KIAA1217: variants seen among roughly 807,000 people sequenced by gnomAD.
The protein encoded by KIAA1217 is KIAA1217.
In KIAA1217, 88 loss-of-function variants were observed where a neutral mutation model predicts 163.9. The ratio of observed to expected loss-of-function variants is 0.54; its 90% CI spans 0.45 to 0.64. KIAA1217 has a LOEUF of 0.64. Among genes scored for constraint, KIAA1217 ranks in the 30% least tolerant of loss-of-function variants. The probability of loss-of-function intolerance (pLI) is 0.00; values close to 1 mark genes in which losing one functional copy is unlikely to be tolerated. For missense variants in KIAA1217, 2,372 were observed against 2,475.0 expected (o/e 0.96, Z 0.88); for synonymous variants, 903 against 923.1 (o/e 0.98, Z 0.39).
intron 2 of KIAA1217, among the ~76,000 whole-genome samples, chr10:24,254,697 T>C (rs1397067900): frequency 6.6e-6 from 1 of 152,206 alleles, no homozygotes; most frequent in African/African-American, 2.4e-5. Flanking sequence ...AGACAGTTGG[T>C]GATTTGGGCT....
chr10:23,914,179 G>A (rs889524467), intron 1 of KIAA1217, among the ~76,000 whole-genome samples: 1 of 152,152 alleles, frequency 6.6e-6, no homozygotes, highest in Non-Finnish European at 1.5e-5. Flanking sequence ...CCAGGCAGAG[G>A]AAGACTCTTC....
rs143088594 is a variant in KIAA1217, at chr10:23,729,283, A to G, written c.-321+34049A>G. 1.2e-3 allele frequency among the ~76,000 whole-genome samples: 179 copies of G among 152,328 alleles called. 13 individuals carry two copies. In the East Asian group the frequency reaches 0.028, roughly 23 times the overall value. On this transcript the variant is annotated intron_variant, in intron 1 of 18. Coordinates refer to the KIAA1217 transcript ENST00000376462. Reference sequence around the variant, plus strand: ...TCTGGGTAGAGGTTTTTGTGTGAACATAAGTTTTCATTTCCATTTGGTAAA... The same window carrying G: ...TCTGGGTAGAGGTTTTTGTGTGAACGTAAGTTTTCATTTCCATTTGGTAAA...
intron 2 of KIAA1217, among the ~76,000 whole-genome samples, chr10:24,296,950 C>T (rs1442521532): frequency 6.6e-6 from 1 of 152,180 alleles, no homozygotes; most frequent in Non-Finnish European, 1.5e-5. Context: ...TGGTCTCTGT[C>T]GCTGTCAAAA....
chr10:24,250,858 G>C (rs80105743), intron 2 of KIAA1217, among the ~76,000 whole-genome samples: 2,342 of 151,186 alleles, frequency 0.015, 56 homozygotes, highest in African/African-American at 0.053. Flanking sequence ...AGGAGGTCGA[G>C]AGAGCAGATT....
At chr10:24,155,897 C>G (rs529981549) in intron 2 of KIAA1217, among the ~76,000 whole-genome samples, 1 of 152,148 alleles carries the variant, frequency 6.6e-6, no homozygotes, top group East Asian at 1.9e-4. Flanking sequence ...TGAAGTTGAG[C>G]TAAGAGTTTT....
intron 5 of KIAA1217, among the ~76,000 whole-genome samples, chr10:24,472,944 C>T (rs914318): frequency 0.027 from 4,072 of 152,302 alleles, 65 homozygotes; most frequent in Non-Finnish European, 0.039. Flanking sequence ...AACCCTACTT[C>T]CATCAGCATA....
chr10:24,123,656 C>T (rs1039793780), intron 2 of KIAA1217, among the ~76,000 whole-genome samples: 6 of 152,094 alleles, frequency 3.9e-5, no homozygotes, highest in African/African-American at 1.4e-4. Flanking sequence ...TTAAAATTAC[C>T]GATGCTTAAG....
At chr10:24,529,852 T>C (rs1299269667) in intron 14 of KIAA1217, among the ~76,000 whole-genome samples, 1 of 150,974 alleles carries the variant, frequency 6.6e-6, no homozygotes, top group African/African-American at 2.4e-5. Flanking sequence ...GGCTGGAGTT[T>C]AGTGGCATGA....
intron 1 of KIAA1217, among the ~76,000 whole-genome samples, chr10:23,953,351 G>T (rs1226982848): frequency 1.3e-5 from 2 of 152,198 alleles, no homozygotes; most frequent in African/African-American, 2.4e-5. Context: ...GGAATCCAGG[G>T]TCCTTTCAGC....
At chr10:23,978,463 T>A (rs774579431) in intron 1 of KIAA1217, among the ~76,000 whole-genome samples, 4 of 152,186 alleles carry the variant, frequency 2.6e-5, no homozygotes, top group Non-Finnish European at 5.9e-5. Context: ...TAAATTAGCC[T>A]AAATTAGAGT....
chr10:24,208,517 C>G (rs1293378825), upstream of KIAA1217, among the ~76,000 whole-genome samples: 1 of 151,996 alleles, frequency 6.6e-6, no homozygotes, highest in African/African-American at 2.4e-5. Flanking sequence ...CGCTATACCT[C>G]TTCATAGATG....
At chr10:23,883,405 C>A (rs891522127) in intron 1 of KIAA1217, among the ~76,000 whole-genome samples, 6 of 151,906 alleles carry the variant, frequency 3.9e-5, no homozygotes, top group Non-Finnish European at 7.4e-5. Flanking sequence ...AAAAAATCTT[C>A]ACACCTCAGA....
chr10:24,006,784 C>T (rs1187799320), intron 1 of KIAA1217, among the ~76,000 whole-genome samples: 1 of 152,186 alleles, frequency 6.6e-6, no homozygotes, highest in Non-Finnish European at 1.5e-5. Context: ...CTCTGTGTAG[C>T]AGGCTCTTGG....
chr10:24,243,705 G>C (rs114449186), intron 2 of KIAA1217, among the ~76,000 whole-genome samples: 1 of 150,348 alleles, frequency 6.7e-6, no homozygotes, highest in Non-Finnish European at 1.5e-5. Flanking sequence ...GAATACATAC[G>C]AATGAATATA....
At chr10:24,324,305 G>A (rs749842930) in intron 2 of KIAA1217, among the ~76,000 whole-genome samples, 26 of 149,142 alleles carry the variant, frequency 1.7e-4, no homozygotes, top group African/African-American at 4.2e-4. Flanking sequence ...TGTGGCTCAC[G>A]CCTGTAATCC....
In KIAA1217 at chr10:24,469,124, T is replaced by C. The variant is rs542519260; in HGVS notation, c.847-4104T>C. ...CTCTAGAATATTTTATTTTATTTTA[T>C]TTTACTTTATTTTATTGGAGACAGA... On this transcript the variant is annotated intron_variant, in intron 5 of 20. Coordinates refer to ENST00000376454, the MANE Select transcript of KIAA1217 (RefSeq NM_019590.5). 5.3e-5 allele frequency among the ~76,000 whole-genome samples: 8 copies of C among 152,166 alleles called. No homozygotes were observed. In the East Asian group the frequency reaches 1.5e-3, roughly 29 times the overall value.
Position 24,438,497 on chromosome 10 carries a change from AT to A in KIAA1217, c.846+23del, listed in dbSNP as rs750397443. 5.2e-6 allele frequency: 8 copies of A among 1,533,868 alleles called. No individual in the cohort carries two copies. The African/African-American group carries it at 1.1e-4, about 21-fold the overall frequency. ...ACATGAGGGTAAGTGTTTCTGTCAT[AT>A]TTTTACTTATCTTCAGTGGGTCAAA... On this transcript the variant is annotated intron_variant, in intron 5 of 20. Transcript: ENST00000376454.
chr10:23,727,012 G>T, intron 1 of KIAA1217, among the ~76,000 whole-genome samples: 2 of 92,198 alleles, frequency 2.2e-5, no homozygotes, highest in Non-Finnish European at 1.8e-5. Flanking sequence ...TTTTGAGACA[G>T]AGTCTTGCTC....
At position 24,298,289 on chromosome 10, in the gene KIAA1217, ATT is replaced by A. The variant is rs10718380; in HGVS notation, c.354+78389_354+78390del. ...TGAAATGTTCCTTATTTGTTTAGAA[ATT>A]TTTTTTTTCTCATTTATATAATAGG... On this transcript the variant is annotated intron_variant, in intron 2 of 20. Transcript: ENST00000376454. Among the ~76,000 whole-genome samples the A allele has an allele frequency of 2.6e-4, 39 of 150,558 alleles. 1 individual carries two copies. Among genetic ancestry groups the A allele is most frequent in the African/African-American group, 9.0e-4 (37 of 41,082 alleles).
Sources: allele counts gnomAD v4.1 joint callset (sites outside exome capture counted in the v4.1 genomes callset), GRCh38; gene constraint gnomAD v4.1.1; transcripts MANE v1.5; gene names NCBI Gene and HGNC (gene_info 2026-07-23, HGNC 2026-07-21).